The following HNRNPH3 variants were observed in gnomAD, a reference collection of about 807,000 sequenced individuals.
HNRNPH3 encodes the protein heterogeneous nuclear ribonucleoprotein H3, also known as heterogeneous nuclear ribonucleoprotein 2H9.
HNRNPH3 carries 7 observed loss-of-function variants against 47.0 expected under a neutral mutation model. That is an observed-to-expected ratio of 0.15 (90% CI 0.08 to 0.28). The LOEUF (loss-of-function observed/expected upper bound fraction) is 0.28. HNRNPH3 is among the 10% of genes least tolerant of loss of function. The pLI is 1.00. For synonymous variants in HNRNPH3, 120 were observed against 143.2 expected (o/e 0.84, Z 1.16); for missense variants, 279 against 449.6 (o/e 0.62, Z 3.43).
Position 68,337,589 on chromosome 10 carries a change from A to G in HNRNPH3, c.112+256A>G. The G allele has an allele frequency of 5.6e-6, 3 of 535,030 alleles. No homozygotes were observed. Among genetic ancestry groups the G allele is most frequent in the Non-Finnish European group, 9.9e-6 (3 of 302,598 alleles). The allele number at this position is 535,030 out of a possible 1,614,324, so 33.1% of individuals were successfully genotyped here. On this transcript the variant is annotated intron_variant, in intron 2 of 9. Coordinates refer to ENST00000265866, the MANE Select transcript of HNRNPH3 (RefSeq NM_012207.3). This position sits in a 1 kb window ranked among gnomAD's most constrained non-coding sequence, Gnocchi z 4.5. ...AACCGTGAATTAGTATATGGAGCAT[A>G]TATTTGATTTTGTAGCCTTTTTTCA... is the stretch of plus-strand genomic sequence containing the variant.
At chr10:68,335,214 A>G (rs1455471822) in intron 1 of HNRNPH3, among the ~76,000 whole-genome samples, 2 of 150,624 alleles carry the variant, frequency 1.3e-5, no homozygotes, top group East Asian at 1.9e-4. Flanking sequence ...TTATGGGTAA[A>G]TTAATTTTTC....
In HNRNPH3 at chr10:68,340,326, C is replaced by A. The variant is rs929901968; in HGVS notation, c.639+771C>A. Among the ~76,000 whole-genome samples the A allele has an allele frequency of 8.5e-5, 13 of 152,242 alleles. 1 individual carries two copies. In the South Asian group the frequency reaches 2.1e-3, roughly 24 times the overall value. ...TACAGGCGTGAGCCACTGCGCCTGA[C>A]CTGTATTAGGGTTTGAAAGAGTGAA... On this transcript the variant is annotated intron_variant, in intron 6 of 9. Coordinates refer to ENST00000265866, the MANE Select transcript of HNRNPH3 (RefSeq NM_012207.3).
Position 68,342,162 on chromosome 10 carries a change from A to G in HNRNPH3, c.*108A>G, listed in dbSNP as rs1440547825. 1.4e-6 allele frequency: 1 copy of G among 698,864 alleles called. No homozygotes were observed. Among genetic ancestry groups the G allele is most frequent in the Non-Finnish European group, 2.3e-6 (1 of 443,348 alleles). The allele number at this position is 698,864 out of a possible 1,614,324, so 43.3% of individuals were successfully genotyped here. A position where few individuals can be genotyped will look rare whatever the true frequency, so the allele number is the denominator to read the frequency against. Reference sequence around the variant, plus strand: ...TAAGAACTTTATAATGACTGAAGGAATGTGTTTTCAAAATATTATTTGGTA... The same window carrying G: ...TAAGAACTTTATAATGACTGAAGGAGTGTGTTTTCAAAATATTATTTGGTA... On this transcript the variant is annotated 3_prime_UTR_variant, in exon 10 of 10. Coordinates refer to ENST00000265866, the MANE Select transcript of HNRNPH3 (RefSeq NM_012207.3).
Position 68,339,514 on chromosome 10 carries a change from A to C in HNRNPH3, c.598A>C (p.Arg200=). ...TCATGGTGGTCATTTCGTACATATG[A>C]GAGGGTTGCCTTTTCGTGCAACTGA... is the stretch of plus-strand genomic sequence containing the variant. ...GFHGGHFVHM[R]GLPFRATEND... Residue 200 remains arginine, a synonymous_variant, in exon 6 of 10, where the codon AGA becomes CGA. Transcript: ENST00000265866. 1 of 1,613,968 alleles carries C rather than the reference A, an allele frequency of 6.2e-7. No individual in the cohort carries two copies. Among genetic ancestry groups the C allele is most frequent in the Non-Finnish European group, 8.5e-7 (1 of 1,179,892 alleles).
chr10:68,339,064 A>C, intron 4 of HNRNPH3, 76 bp from the exon 5 acceptor site: 2 of 1,203,636 alleles, frequency 1.7e-6, no homozygotes, highest in South Asian at 2.8e-5. Flanking sequence ...GTTACCACAA[A>C]ATGTTTTTGT....
chr10:68,337,026 T>C lies in HNRNPH3; in HGVS notation c.-23-173T>C, dbSNP rs2045579833. The C allele has an allele frequency of 2.1e-6, 1 of 485,910 alleles. No homozygotes were observed. The highest frequency in any genetic ancestry group is 3.9e-5 in the Admixed American group (1 of 25,974). 30.1% of individuals were successfully genotyped at this position (485,910 alleles called of 1,614,324 possible). ...AGGAGGGGGTCAGGTCTCATTGCCTTTTCCGTACCCCAAAATATGAAAGGT... is the reference window on the plus strand; with the variant it reads ...AGGAGGGGGTCAGGTCTCATTGCCTCTTCCGTACCCCAAAATATGAAAGGT... On this transcript the variant is annotated intron_variant, in intron 1 of 9. Coordinates refer to ENST00000265866, the MANE Select transcript of HNRNPH3 (RefSeq NM_012207.3). The surrounding 1 kb of genome is among the most constrained non-coding windows in gnomAD (Gnocchi z 4.5).
chr10:68,339,270 A>C, intron 5 of HNRNPH3, 44 bp downstream of exon 5: 1 of 1,583,616 alleles, frequency 6.3e-7, no homozygotes, highest in African/African-American at 1.4e-5. Flanking sequence ...GGTAAATTTT[A>C]GTATTTGCTT....
chr10:68,338,427 AC>A (rs1472919451), intron 3 of HNRNPH3, 75 bp from the exon 4 acceptor site: 30 of 821,728 alleles, frequency 3.7e-5, no homozygotes, highest in South Asian at 6.7e-5. Flanking sequence ...AGAAAAACTT[AC>A]TGCATTTTGC....
Position 68,337,869 on chromosome 10 carries a change from G to A in HNRNPH3, c.124G>A (p.Val42Met). ...TCCTTGGGTTAAAGGGTTGGAAATC[G>A]TGCCAAATGGGATAACATTGACGAT... ...IVQFFQGLEI[V>M]PNGITLTMDY... is the part of the protein sequence containing the mutation. Residue 42 changes from valine to methionine, a missense_variant, in exon 3 of 10, where the codon GTG becomes ATG. By Grantham distance (21) the Val-to-Met change is conservative. Around this residue, in one of 2 missense-constraint regions of HNRNPH3, gnomAD observed 40 missense variants for 113.8 expected, o/e 0.35. Transcript: ENST00000265866. The surrounding 1 kb of genome is among the most constrained non-coding windows in gnomAD (Gnocchi z 4.5). 6.2e-7 allele frequency: 1 copy of A among 1,612,314 alleles called. No homozygotes were observed. The highest frequency in any genetic ancestry group is 8.5e-7 in the Non-Finnish European group (1 of 1,178,664).
intron 6 of HNRNPH3, 81 bp from the exon 7 acceptor site, chr10:68,341,093 T>G (rs1298161903): frequency 2.0e-6 from 2 of 1,002,676 alleles, no homozygotes; most frequent in East Asian, 5.0e-5. Context: ...TTGTTTTAAT[T>G]GATGAGGAAA....
At position 68,337,677 on chromosome 10, in the gene HNRNPH3, A is replaced by T; in HGVS notation, c.113-181A>T. 1.8e-6 allele frequency: 1 copy of T among 570,938 alleles called. No individual in the cohort carries two copies. The highest frequency in any genetic ancestry group is 3.1e-5 in the South Asian group (1 of 31,924). The allele number at this position is 570,938 out of a possible 1,614,324, so 35.4% of individuals were successfully genotyped here. ...AGTGTTTTTACACTGGTCGCAAAAAATTTATTTAATCCAGTAATATTTGAA... is the reference window on the plus strand; with the variant it reads ...AGTGTTTTTACACTGGTCGCAAAAATTTTATTTAATCCAGTAATATTTGAA... On this transcript the variant is annotated intron_variant, in intron 2 of 9. Transcript: ENST00000265866. This position sits in a 1 kb window ranked among gnomAD's most constrained non-coding sequence, Gnocchi z 4.5.
intron 1 of HNRNPH3, among the ~76,000 whole-genome samples, chr10:68,336,505 C>T (rs1044116215): frequency 3.3e-5 from 5 of 152,126 alleles, no homozygotes; most frequent in Non-Finnish European, 7.4e-5. Flanking sequence ...TCTCCAGTGG[C>T]TTCAAAAACA....
At chr10:68,338,066 TG>T (rs1035561005) in intron 3 of HNRNPH3, 70 bp downstream of exon 3, 22 of 1,180,638 alleles carry the variant, frequency 1.9e-5, no homozygotes, top group Middle Eastern at 2.1e-4. Context: ...ATTGCTTAAA[TG>T]GGGGGGTAGC....
intron 7 of HNRNPH3, 76 bp from the exon 8 acceptor site, chr10:68,341,509 T>A (rs1564756503): frequency 1.8e-6 from 2 of 1,137,950 alleles, no homozygotes; most frequent in East Asian, 4.8e-5. Flanking sequence ...TAATTGATCT[T>A]TTTTACAAAG....
intron 4 of HNRNPH3, 160 bp from the exon 5 acceptor site, chr10:68,338,980 T>C: frequency 1.8e-6 from 1 of 559,358 alleles, no homozygotes; most frequent in Non-Finnish European, 3.0e-6. Flanking sequence ...GATTTTAAAT[T>C]TCCATCACGT....
rs1350705013 is a variant in HNRNPH3 at position 68,337,763 on chromosome 10, T to C, written c.113-95T>C. 1 of 1,138,828 alleles carries C rather than the reference T, an allele frequency of 8.8e-7. No homozygotes were observed. The highest frequency in any genetic ancestry group is 1.6e-5 in the African/African-American group (1 of 64,492). The allele number at this position is 1,138,828 out of a possible 1,614,324, so 70.5% of individuals were successfully genotyped here. ...CTAAGCTTTTTTGTTTTGTTTTGTT[T>C]TGTTTAGACTTGTTTTAAATATTTG... On this transcript the variant is annotated intron_variant, in intron 2 of 9. Coordinates refer to ENST00000265866, the MANE Select transcript of HNRNPH3 (RefSeq NM_012207.3). This position sits in a 1 kb window ranked among gnomAD's most constrained non-coding sequence, Gnocchi z 4.5.
At chr10:68,340,100 T>C (rs890927406) in intron 6 of HNRNPH3, among the ~76,000 whole-genome samples, 1 of 152,160 alleles carries the variant, frequency 6.6e-6, no homozygotes, top group Non-Finnish European at 1.5e-5. Flanking sequence ...AGTGGCGCGA[T>C]CTCGGCTCAC....
In HNRNPH3 at chr10:68,338,690, A is replaced by G; in HGVS notation, c.436+3A>G. 6.4e-7 allele frequency: 1 copy of G among 1,571,238 alleles called. No individual in the cohort carries two copies. Among genetic ancestry groups the G allele is most frequent in the Non-Finnish European group, 8.6e-7 (1 of 1,158,108 alleles). Reference sequence around the variant, plus strand: ...AGGAGGTGATGGATATGATGGTGGTATGTGTATCTAATGAACAAAGGTTCT... The same window carrying G: ...AGGAGGTGATGGATATGATGGTGGTGTGTGTATCTAATGAACAAAGGTTCT... On this transcript the variant is annotated splice_donor_region_variant and intron_variant, in intron 4 of 9. Transcript: ENST00000265866.
Position 68,337,507 on chromosome 10 carries a change from A to G in HNRNPH3, c.112+174A>G. ...AGTTAATATTCAATACAGAATGTGT[A>G]GAATATGTAAAACCTAGTTAATGTG... On this transcript the variant is annotated intron_variant, in intron 2 of 9. Coordinates refer to ENST00000265866, the MANE Select transcript of HNRNPH3 (RefSeq NM_012207.3). This position sits in a 1 kb window ranked among gnomAD's most constrained non-coding sequence, Gnocchi z 4.5. 1.7e-6 allele frequency: 1 copy of G among 580,112 alleles called. No individual in the cohort carries two copies. The allele number at this position is 580,112 out of a possible 1,614,324, so 35.9% of individuals were successfully genotyped here. A position where few individuals can be genotyped will look rare whatever the true frequency, so the allele number is the denominator to read the frequency against.
Sources: gnomAD v4.1 joint callset for allele counts (sites outside exome capture counted in the v4.1 genomes callset) on GRCh38, gnomAD v4.1.1 for gene constraint, gnomAD v4.1.1 regional missense constraint, Gnocchi (gnomAD v3.1) non-coding constraint, MANE v1.5 for transcripts, NCBI Gene and HGNC (gene_info 2026-07-23, HGNC 2026-07-21) for gene names.